Variants in FRAS1 observed in about 807,000 individuals in gnomAD.
The protein encoded by FRAS1 is Fraser extracellular matrix complex subunit 1.
A neutral mutation model predicts 435.2 loss-of-function variants in FRAS1; 290 were observed. The observed-to-expected ratio is 0.67, with a 90% CI of 0.61 to 0.73. The LOEUF is 0.73. Among genes scored for constraint, FRAS1 ranks in the 30% least tolerant of loss-of-function variants. The pLI is 0.00. For missense variants in FRAS1, 4,860 were observed against 5,001.5 expected (o/e 0.97, Z 0.85); for synonymous variants, 1,800 against 1,851.0 (o/e 0.97, Z 0.71).
chr4:78,212,555 A>G (rs1284986964), intron 2 of FRAS1, among the ~76,000 whole-genome samples: 1 of 152,238 alleles, frequency 6.6e-6, no homozygotes, highest in Non-Finnish European at 1.5e-5. Context: ...CTTCTTTGAA[A>G]GTGGTGTGGA....
intron 2 of FRAS1, among the ~76,000 whole-genome samples, chr4:78,089,584 C>CCT (rs1256106091): frequency 6.6e-6 from 1 of 152,014 alleles, no homozygotes; most frequent in East Asian, 1.9e-4. Context: ...TTTTAATTTT[C>CCT]CTCTGGCTCT....
At chr4:78,364,432 T>C (rs573216299) in intron 22 of FRAS1, among the ~76,000 whole-genome samples, 1 of 152,228 alleles carries the variant, frequency 6.6e-6, no homozygotes, top group Non-Finnish European at 1.5e-5. Context: ...CTTGCTCTAG[T>C]ATGCAATCAG....
At chr4:78,330,566 G>A (rs1344860113) in intron 18 of FRAS1, among the ~76,000 whole-genome samples, 2 of 151,840 alleles carry the variant, frequency 1.3e-5, no homozygotes, top group Non-Finnish European at 2.9e-5. Context: ...ACATCCCTGG[G>A]AAAGAGAATG....
At chr4:78,337,961 T>C (rs1730242936) in intron 20 of FRAS1, 144 bp downstream of exon 20, 1 of 721,348 alleles carries the variant, frequency 1.4e-6, no homozygotes, top group South Asian at 1.7e-5. Flanking sequence ...CTCATGTTAC[T>C]GCTTCTCCTT....
chr4:78,341,801 G>T (rs1392623766), intron 20 of FRAS1, among the ~76,000 whole-genome samples: 1 of 152,078 alleles, frequency 6.6e-6, no homozygotes, highest in South Asian at 2.1e-4. Context: ...CTTGAATTTG[G>T]CCAAGCTCAA....
At chr4:78,535,769 C>T (rs1192857843) in intron 71 of FRAS1, among the ~76,000 whole-genome samples, 1 of 152,112 alleles carries the variant, frequency 6.6e-6, no homozygotes, top group Non-Finnish European at 1.5e-5. Flanking sequence ...TTTCTAAGGC[C>T]CAAGTGTGTT....
intron 2 of FRAS1, among the ~76,000 whole-genome samples, chr4:78,147,360 C>T (rs2110006669): frequency 6.6e-6 from 1 of 152,260 alleles, no homozygotes; most frequent in South Asian, 2.1e-4. Context: ...GTCATCTTCC[C>T]TAATGAAATC....
At chr4:78,130,318 A>G (rs1719622017) in intron 2 of FRAS1, among the ~76,000 whole-genome samples, 1 of 152,192 alleles carries the variant, frequency 6.6e-6, no homozygotes, top group Non-Finnish European at 1.5e-5. Context: ...TGACTACTTT[A>G]AACTTCAGGT....
At position 78,479,811 on chromosome 4, in the gene FRAS1, T is replaced by C. The variant is rs940905219; in HGVS notation, c.8443+93T>C. On this transcript the variant is annotated intron_variant, in intron 56 of 73. Coordinates refer to ENST00000512123, the MANE Select transcript of FRAS1 (RefSeq NM_025074.7). ...TAGGTTTCAGAATATCCGGGAGACA[T>C]TGAGAATGCCATTCCTCAGGGATAC... 9.2e-6 allele frequency: 9 copies of C among 973,580 alleles called. No homozygotes were observed. In the East Asian group the frequency reaches 1.6e-4, roughly 17 times the overall value. 60.3% of individuals were successfully genotyped at this position (973,580 alleles called of 1,614,324 possible).
intron 30 of FRAS1, among the ~76,000 whole-genome samples, chr4:78,407,252 T>C (rs1560709895): frequency 6.6e-6 from 1 of 152,240 alleles, no homozygotes; most frequent in Non-Finnish European, 1.5e-5. Flanking sequence ...TTTCCCATTA[T>C]GTTTTCAGCA....
intron 61 of FRAS1, among the ~76,000 whole-genome samples, chr4:78,504,842 T>A (rs1720784988): frequency 2.0e-5 from 3 of 152,244 alleles, no homozygotes; most frequent in Admixed American, 6.5e-5. Context: ...CAATTTGGCA[T>A]GTTTTTGCAG....
intron 2 of FRAS1, among the ~76,000 whole-genome samples, chr4:78,127,582 G>A (rs1719431254): frequency 6.6e-6 from 1 of 152,022 alleles, no homozygotes; most frequent in South Asian, 2.1e-4. Flanking sequence ...GAGGAATCAA[G>A]GATGACTTTC....
At chr4:78,193,926 T>C (rs1167225278) in intron 2 of FRAS1, among the ~76,000 whole-genome samples, 11 of 152,344 alleles carry the variant, frequency 7.2e-5, no homozygotes, top group South Asian at 2.1e-4. Context: ...TTCCTTTCCA[T>C]GTTTAGCGCT....
intron 2 of FRAS1, among the ~76,000 whole-genome samples, chr4:78,183,029 G>C (rs138495110): frequency 1.3e-5 from 2 of 152,100 alleles, no homozygotes; most frequent in South Asian, 2.1e-4. Context: ...GCTGGAAAAA[G>C]AGATAGAAGG....
chr4:78,303,625 T>C (rs1375421963), intron 14 of FRAS1, among the ~76,000 whole-genome samples: 2 of 152,170 alleles, frequency 1.3e-5, no homozygotes, highest in African/African-American at 4.8e-5. Context: ...CAATTGTGAA[T>C]GGGAGTTCAC....
intron 19 of FRAS1, among the ~76,000 whole-genome samples, chr4:78,336,641 C>CT (rs1044905911): frequency 5.5e-4 from 81 of 148,056 alleles, no homozygotes; most frequent in Middle Eastern, 3.5e-3. Flanking sequence ...TGCTTGCTTG[C>CT]TTTTTTTTTT....
chr4:78,405,671 T>C (rs1733071594), intron 30 of FRAS1, among the ~76,000 whole-genome samples: 1 of 152,200 alleles, frequency 6.6e-6, no homozygotes, highest in Non-Finnish European at 1.5e-5. Flanking sequence ...TAGTGTCTAG[T>C]GTATTAAGAT....
intron 2 of FRAS1, among the ~76,000 whole-genome samples, chr4:78,227,111 G>A (rs1387060750): frequency 1.3e-5 from 2 of 152,028 alleles, no homozygotes; most frequent in South Asian, 2.1e-4. Context: ...ATTAATTTCT[G>A]AATAAAATAC....
intron 70 of FRAS1, among the ~76,000 whole-genome samples, 176 bp downstream of exon 70, chr4:78,526,833 A>G (rs1318386008): frequency 1.3e-5 from 2 of 152,290 alleles, no homozygotes; most frequent in South Asian, 4.1e-4. Flanking sequence ...CCCCAGCTGA[A>G]GTCAAACCTG....
Sources: allele counts gnomAD v4.1 joint callset (sites outside exome capture counted in the v4.1 genomes callset), GRCh38; gene constraint gnomAD v4.1.1; transcripts MANE v1.5; gene names NCBI Gene and HGNC (gene_info 2026-07-23, HGNC 2026-07-21).